The following PTOV1 variants were observed in gnomAD, a reference collection of about 807,000 sequenced individuals.
The protein encoded by PTOV1 is prostate tumor-overexpressed gene 1 protein.
A neutral mutation model predicts 58.0 loss-of-function variants in PTOV1; 20 were observed. The observed-to-expected ratio is 0.34, with a 90% confidence interval of 0.24 to 0.50. The LOEUF (loss-of-function observed/expected upper bound fraction) is 0.50. Among genes scored for constraint, PTOV1 ranks in the 20% least tolerant of loss-of-function variants. The pLI, the probability that PTOV1 is intolerant of heterozygous loss-of-function variation, is 0.98. For synonymous variants in PTOV1, 335 were observed against 234.2 expected (o/e 1.43, Z -3.93); for missense variants, 593 against 565.4 (o/e 1.05, Z -0.50).
intron 5 of PTOV1, 195 bp from the exon 6 acceptor site, chr19:49,856,780 T>C (rs1179867947): frequency 3.1e-6 from 2 of 637,862 alleles, no homozygotes; most frequent in African/African-American, 1.8e-5. Context: ...ACCTCAGCCA[T>C]GGCAGGGTCG....
At chr19:49,857,170 G>C (rs1441303237) in intron 6 of PTOV1, 40 bp downstream of exon 6, 3 of 1,608,730 alleles carry the variant, frequency 1.9e-6, no homozygotes, top group Admixed American at 3.3e-5. Flanking sequence ...GACAGAGGGG[G>C]ATTAGACCCC....
At chr19:49,854,858 G>A (rs754619905) in exon 4 of PTOV1, 1 of 1,613,390 alleles carries the variant, frequency 6.2e-7, no homozygotes, top group Non-Finnish European at 8.5e-7. Flanking sequence ...CGCAGAAGCT[G>A]ATCATGCAGC....
exon 11 of PTOV1, chr19:49,860,142 G>T (rs2122291018): frequency 6.2e-7 from 1 of 1,614,198 alleles, no homozygotes; most frequent in East Asian, 2.2e-5. Context: ...CCAGCAGCAG[G>T]TCCTGCAGCG....
chr19:49,857,414 C>T (rs2074523062), intron 6 of PTOV1: 3 of 606,518 alleles, frequency 4.9e-6, no homozygotes, highest in East Asian at 2.8e-5. Flanking sequence ...CTGGAAGGCC[C>T]TGCCTGGTAA....
At position 49,851,468 on chromosome 19, in the gene PTOV1, C is replaced by T. The variant is rs1363023684; in HGVS notation, c.140C>T (p.Pro47Leu). Residue 47 changes from proline to leucine, a missense_variant, in exon 1 of 12, where the codon CCG (proline) becomes CTG (leucine). Pro to Leu is a moderately conservative substitution (Grantham distance 98). Transcript: ENST00000391842. ...GCCAGCCCCCGAGGCCCGCAGCCTCCGCGGATCCGGGCCCGCTCGGCCCCT... is the reference window on the plus strand; with the variant it reads ...GCCAGCCCCCGAGGCCCGCAGCCTCTGCGGATCCGGGCCCGCTCGGCCCCT... The T allele has an allele frequency of 5.7e-6, 7 of 1,221,168 alleles. No individual in the cohort carries two copies. The South Asian group carries it at 2.9e-4, about 50-fold the overall frequency. 75.6% of individuals were successfully genotyped at this position (1,221,168 alleles called of 1,614,324 possible). A position where few individuals can be genotyped will look rare whatever the true frequency, so the allele number is the denominator to read the frequency against.
At chr19:49,853,613 C>G (rs906774205) in intron 1 of PTOV1, among the ~76,000 whole-genome samples, 3 of 126,272 alleles carry the variant, frequency 2.4e-5, no homozygotes, top group African/African-American at 9.7e-5. Flanking sequence ...GAAACTCTGT[C>G]TCAAAAAAAA....
intron 1 of PTOV1, chr19:49,851,898 C>T: frequency 4.1e-6 from 4 of 985,244 alleles, no homozygotes; most frequent in Non-Finnish European, 4.8e-6. Flanking sequence ...AGGGAGGGGC[C>T]CGCGCTTTGT....
At chr19:49,854,326 C>T in intron 1 of PTOV1, 80 bp from the exon 2 acceptor site, 1 of 1,520,608 alleles carries the variant, frequency 6.6e-7, no homozygotes, top group Admixed American at 2.0e-5. Context: ...ATTGGGACGT[C>T]CCCTCTGGGG....
At position 49,851,504 on chromosome 19, in the gene PTOV1, GC is replaced by G; in HGVS notation, c.171+11del. The G allele has an allele frequency of 1.5e-5, 18 of 1,211,680 alleles. No homozygotes were observed. The highest frequency in any genetic ancestry group is 1.8e-5 in the Non-Finnish European group (18 of 973,318). The allele number at this position is 1,211,680 out of a possible 1,614,324, so 75.1% of individuals were successfully genotyped here. ...GCCCGCTCGGCCCCTCCCATGGTGA[GC>G]CCCCCGCCCTTTTTCCAGAGCCTTC... is the stretch of plus-strand genomic sequence containing the variant. On this transcript the variant is annotated splice_donor_region_variant and intron_variant, in intron 1 of 11. Coordinates refer to ENST00000391842, the Ensembl canonical transcript of PTOV1.
exon 12 of PTOV1, chr19:49,860,329 A>G: frequency 2.3e-6 from 3 of 1,280,960 alleles, no homozygotes; most frequent in Non-Finnish European, 3.2e-6. Context: ...AGGCCCCCGC[A>G]GAGACTGGTG....
intron 6 of PTOV1, 103 bp from the exon 7 acceptor site, chr19:49,857,590 C>A: frequency 9.1e-7 from 1 of 1,094,430 alleles, no homozygotes; most frequent in Non-Finnish European, 1.4e-6. Flanking sequence ...CCAGCTGGGG[C>A]TAACAGGCCA....
exon 6 of PTOV1, chr19:49,857,087 G>C: frequency 6.2e-7 from 1 of 1,614,118 alleles, no homozygotes; most frequent in Non-Finnish European, 8.5e-7. Flanking sequence ...GACCAGAGCG[G>C]CTTCGTCAGT....
intron 1 of PTOV1, chr19:49,851,706 G>A (rs1005085215): frequency 3.7e-5 from 42 of 1,147,178 alleles, no homozygotes; most frequent in Admixed American, 2.4e-4. Context: ...GGGCCGGGGT[G>A]GGGGGTTGGG....
exon 3 of PTOV1, chr19:49,854,719 A>G: frequency 1.2e-6 from 2 of 1,613,526 alleles, no homozygotes. Context: ...GCCTACGTGA[A>G]CCAAGGCGAG....
intron 5 of PTOV1, chr19:49,855,736 T>C (rs2074434720): frequency 6.5e-6 from 1 of 154,276 alleles, no homozygotes; most frequent in African/African-American, 2.4e-5. Flanking sequence ...TTTTCTGAGG[T>C]AGGGAGGACA....
rs1395258010 is a variant in PTOV1, at chr19:49,851,212, C to T, written c.-117C>T. The T allele has an allele frequency of 8.6e-7, 1 of 1,168,856 alleles. No homozygotes were observed. The allele number at this position is 1,168,856 out of a possible 1,614,324, so 72.4% of individuals were successfully genotyped here. On this transcript the variant is annotated 5_prime_UTR_variant, in exon 1 of 12. It adds an upstream start codon to the 5' untranslated region. Transcript: ENST00000391842. ...GGCGGCGCGTCCCCCGAGCTTGGTACGGCTCAGCCCGTCTCCCCCGAAGCC... is the reference window on the plus strand; with the variant it reads ...GGCGGCGCGTCCCCCGAGCTTGGTATGGCTCAGCCCGTCTCCCCCGAAGCC...
intron 9 of PTOV1, chr19:49,858,324 G>A (rs2074573374): frequency 2.7e-6 from 2 of 738,042 alleles, no homozygotes; most frequent in Non-Finnish European, 4.4e-6. Flanking sequence ...ACTGAGCGGG[G>A]CAGGGGCAGC....
chr19:49,857,193 G>A (rs1468194300), intron 6 of PTOV1, 63 bp downstream of exon 6: 1 of 1,592,084 alleles, frequency 6.3e-7, no homozygotes, highest in Non-Finnish European at 8.6e-7. Context: ...TGCCCTGGTT[G>A]GGCAGCCAGA....
chr19:49,858,320 C>T (rs1005690813), intron 9 of PTOV1: 50 of 755,852 alleles, frequency 6.6e-5, no homozygotes, highest in Middle Eastern at 7.7e-4. Context: ...AGGGACTGAG[C>T]GGGGCAGGGG....
Sources: gnomAD v4.1 joint callset for allele counts (sites outside exome capture counted in the v4.1 genomes callset) on GRCh38, gnomAD v4.1.1 for gene constraint, MANE v1.5 for transcripts, NCBI Gene and HGNC (gene_info 2026-07-23, HGNC 2026-07-21) for gene names.